PRICKLE2: variants seen among roughly 807,000 people sequenced by gnomAD.
PRICKLE2 encodes prickle planar cell polarity protein 2, also known as prickle-like protein 2.
PRICKLE2 carries 21 observed loss-of-function variants against 81.4 expected under a neutral mutation model. The ratio of observed to expected loss-of-function variants is 0.26; its 90% CI spans 0.18 to 0.37. The LOEUF (loss-of-function observed/expected upper bound fraction) is 0.37. Ranked by LOEUF, PRICKLE2 falls within the 10% of genes least tolerant of loss-of-function variation. PRICKLE2 has a pLI of 1.00. For synonymous variants in PRICKLE2, 456 were observed against 421.5 expected (o/e 1.08, Z -1.00); for missense variants, 940 against 1,109.0 (o/e 0.85, Z 2.16).
intron 2 of PRICKLE2, among the ~76,000 whole-genome samples, chr3:64,232,636 T>C (rs1267649545): frequency 6.7e-6 from 1 of 148,278 alleles, no homozygotes; most frequent in East Asian, 2.0e-4. Flanking sequence ...CTCCTGTATA[T>C]CTACATTTGC....
chr3:64,211,467 C>T (rs1465815722), intron 1 of PRICKLE2, among the ~76,000 whole-genome samples: 1 of 152,120 alleles, frequency 6.6e-6, no homozygotes, highest in Non-Finnish European at 1.5e-5. Flanking sequence ...GAGAAAGATG[C>T]TGAAATGTAT....
chr3:64,160,426 T>C (rs1330410608), intron 3 of PRICKLE2, among the ~76,000 whole-genome samples: 1 of 152,166 alleles, frequency 6.6e-6, no homozygotes, highest in African/African-American at 2.4e-5. Flanking sequence ...AGCTGAGAAG[T>C]TCTCCTTCTT....
rs1403295528 is a variant in PRICKLE2 at position 64,147,718 on chromosome 3, A to G, written c.788-16T>C. 2.5e-6 allele frequency: 4 copies of G among 1,613,130 alleles called. No homozygotes were observed. Among genetic ancestry groups the G allele is most frequent in the African/African-American group, 2.7e-5 (2 of 74,918 alleles). ...TGGTCGATACCTAAAAAAATGAGAG[A>G]CATTGGAGAGGCTGATGAGCTGCTC... On this transcript the variant is annotated splice_polypyrimidine_tract_variant and intron_variant, in intron 6 of 7. Transcript: ENST00000638394. The surrounding 1 kb of genome is among the most constrained non-coding windows in gnomAD (Gnocchi z 5.0).
chr3:64,157,651 G>C (rs1223991243), intron 4 of PRICKLE2, among the ~76,000 whole-genome samples: 1 of 152,182 alleles, frequency 6.6e-6, no homozygotes, highest in Non-Finnish European at 1.5e-5. Flanking sequence ...ACGTACAGGG[G>C]CTCTGCAGGC....
chr3:64,121,320 A>G (rs528300955), intron 7 of PRICKLE2, among the ~76,000 whole-genome samples: 1 of 152,342 alleles, frequency 6.6e-6, no homozygotes, highest in East Asian at 1.9e-4. Flanking sequence ...GCTTCAGTGC[A>G]GTAGGAATTT....
At chr3:64,146,348 G>A in intron 7 of PRICKLE2, 1 of 191,436 alleles carries the variant, frequency 5.2e-6, no homozygotes, top group Non-Finnish European at 1.1e-5. Flanking sequence ...CTCAGGCTTT[G>A]TTTACAGGGA....
At chr3:64,260,423 TACA>T (rs1250671767) in intron 2 of PRICKLE2, among the ~76,000 whole-genome samples, 1 of 152,242 alleles carries the variant, frequency 6.6e-6, no homozygotes, top group Non-Finnish European at 1.5e-5. Context: ...ATTCTTTATG[TACA>T]ACAACAGTTC....
chr3:64,100,817 C>T (rs114047219), intron 7 of PRICKLE2: 1 of 152,198 alleles, frequency 6.6e-6, no homozygotes, highest in East Asian at 1.9e-4. Context: ...GCAGAGCTCT[C>T]TAAGGAGATG....
intron 1 of PRICKLE2, among the ~76,000 whole-genome samples, chr3:64,201,183 C>T (rs1239956844): frequency 6.6e-6 from 1 of 151,874 alleles, no homozygotes; most frequent in Non-Finnish European, 1.5e-5. Flanking sequence ...CCTGCCTCGG[C>T]CTCCCAAAGT....
Position 64,225,047 on chromosome 3 carries a change from TCTC to T in PRICKLE2, c.-181_-179del, listed in dbSNP as rs1240283594. 41 of 985,216 alleles carry T rather than the reference TCTC, an allele frequency of 4.2e-5. No individual in the cohort carries two copies. The highest frequency in any genetic ancestry group is 4.7e-5 in the Non-Finnish European group (39 of 830,052). 61.0% of individuals were successfully genotyped at this position (985,216 alleles called of 1,614,324 possible). Reference sequence around the variant, plus strand: ...AGGACCTCAGGCAGCCAAAGCATCTTCTCCTCAAACCCCCTTTTCAGTCTGAAC... The same window carrying T: ...AGGACCTCAGGCAGCCAAAGCATCTTCTCAAACCCCCTTTTCAGTCTGAAC... On this transcript the variant is annotated 5_prime_UTR_variant, in exon 1 of 8. Transcript: ENST00000638394.
chr3:64,100,219 G>A (rs2076636759), intron 7 of PRICKLE2: 2 of 434,506 alleles, frequency 4.6e-6, no homozygotes, highest in African/African-American at 2.0e-5. Context: ...TGTATCCTAT[G>A]TATGATGCTT....
chr3:64,243,444 G>A (rs2107172976), intron 2 of PRICKLE2, among the ~76,000 whole-genome samples: 1 of 152,264 alleles, frequency 6.6e-6, no homozygotes, highest in East Asian at 1.9e-4. Context: ...CCCCCCTTGG[G>A]AACCAGTGGT....
intron 1 of PRICKLE2, among the ~76,000 whole-genome samples, chr3:64,204,591 C>T (rs2078647901): frequency 6.6e-6 from 1 of 151,838 alleles, no homozygotes; most frequent in Non-Finnish European, 1.5e-5. Context: ...AACAAAAAAC[C>T]TCACACACAC....
chr3:64,144,512 G>A (rs777606359), intron 7 of PRICKLE2, among the ~76,000 whole-genome samples: 8 of 152,240 alleles, frequency 5.3e-5, no homozygotes, highest in African/African-American at 1.2e-4. Flanking sequence ...CTGAGCAGTG[G>A]CCGTCCCCTT....
At chr3:64,173,954 T>C (rs1251288001) in intron 2 of PRICKLE2, among the ~76,000 whole-genome samples, 1 of 152,220 alleles carries the variant, frequency 6.6e-6, no homozygotes, top group African/African-American at 2.4e-5. Flanking sequence ...ATTATTTATG[T>C]ATTGGCAGGT....
chr3:64,140,745 T>C (rs868618870), intron 7 of PRICKLE2, among the ~76,000 whole-genome samples: 1 of 152,186 alleles, frequency 6.6e-6, no homozygotes, highest in Non-Finnish European at 1.5e-5. Context: ...TTGTCTTTCC[T>C]ACCTCTGACC....
rs2107115348 is a variant in PRICKLE2, at chr3:64,198,888, T to C, written c.40A>G (p.Ser14Gly). 2.5e-6 allele frequency: 4 copies of C among 1,614,234 alleles called. No homozygotes were observed. The highest frequency in any genetic ancestry group is 3.4e-6 in the Non-Finnish European group (4 of 1,180,026). The change falls in exon 2 of 8, where the codon AGC (serine) becomes GGC (glycine). Residue 14 changes from serine (S) to glycine (G), a missense_variant. Transcript: ENST00000638394. ...CTCTGAAAGTCAAACATGAGTTTGCTGATGGTCTTCTCCATCTCCAGCGGC... is the reference window on the plus strand; with the variant it reads ...CTCTGAAAGTCAAACATGAGTTTGCCGATGGTCTTCTCCATCTCCAGCGGC... ...VMPLEMEKTI[S>G]KLMFDFQRNS... is the part of the protein sequence containing the mutation.
intron 7 of PRICKLE2, among the ~76,000 whole-genome samples, chr3:64,111,738 G>A (rs1325823058): frequency 6.6e-6 from 1 of 152,178 alleles, no homozygotes; most frequent in Non-Finnish European, 1.5e-5. Context: ...TTAGATGTCA[G>A]AATAGTGCTT....
intron 1 of PRICKLE2, among the ~76,000 whole-genome samples, chr3:64,212,374 C>T (rs1427741788): frequency 3.9e-5 from 6 of 152,194 alleles, no homozygotes; most frequent in African/African-American, 1.4e-4. Flanking sequence ...AGAGCCCCTC[C>T]TTTCCAGATA....
Sources: allele counts gnomAD v4.1 joint callset (sites outside exome capture counted in the v4.1 genomes callset), GRCh38; gene constraint gnomAD v4.1.1; non-coding constraint Gnocchi (gnomAD v3.1); transcripts MANE v1.5; gene names NCBI Gene and HGNC (gene_info 2026-07-23, HGNC 2026-07-21).